Variants in DOCK3 observed in about 807,000 individuals in gnomAD.
DOCK3 encodes the protein dedicator of cytokinesis protein 3.
A neutral mutation model predicts 265.6 loss-of-function variants in DOCK3; 60 were observed. That is an observed-to-expected ratio of 0.23 (90% CI 0.18 to 0.28). DOCK3 has a LOEUF of 0.28. DOCK3 is among the 10% of genes least tolerant of loss of function. The pLI, the probability that DOCK3 is intolerant of heterozygous loss-of-function variation, is 1.00. For missense variants in DOCK3, 1,981 were observed against 2,594.3 expected (o/e 0.76, Z 5.14); for synonymous variants, 881 against 938.0 (o/e 0.94, Z 1.11).
chr3:50,687,400 T>G (rs886384538), intron 1 of DOCK3, among the ~76,000 whole-genome samples: 3 of 152,196 alleles, frequency 2.0e-5, no homozygotes, highest in Non-Finnish European at 4.4e-5. Context: ...TGTGACCCAT[T>G]CTGCGTCACT....
chr3:50,753,818 C>T (rs2039987439), intron 1 of DOCK3, among the ~76,000 whole-genome samples: 1 of 152,052 alleles, frequency 6.6e-6, no homozygotes, highest in Admixed American at 6.5e-5. Context: ...ATCAGTTGTA[C>T]TGTTAAATGG....
At chr3:50,800,218 G>T (rs2043001367) in intron 2 of DOCK3, among the ~76,000 whole-genome samples, 1 of 152,168 alleles carries the variant, frequency 6.6e-6, no homozygotes, top group African/African-American at 2.4e-5. Flanking sequence ...GAATGAATTA[G>T]TGAGAATTCC....
chr3:51,061,678 G>A (rs1406460081), intron 5 of DOCK3, among the ~76,000 whole-genome samples: 2 of 151,526 alleles, frequency 1.3e-5, no homozygotes, highest in African/African-American at 4.9e-5. Flanking sequence ...TAACCTGCAC[G>A]TTGTGAACAT....
At chr3:51,004,722 T>G (rs1342017832) in intron 5 of DOCK3, among the ~76,000 whole-genome samples, 13 of 150,822 alleles carry the variant, frequency 8.6e-5, no homozygotes, top group African/African-American at 2.0e-4. Flanking sequence ...AAGTTTTTTT[T>G]TTTTTTTTTT....
At chr3:50,681,185 T>G (rs1432392857) in intron 1 of DOCK3, among the ~76,000 whole-genome samples, 1 of 152,206 alleles carries the variant, frequency 6.6e-6, no homozygotes, top group Non-Finnish European at 1.5e-5. Context: ...AGAATATGAT[T>G]TAGAAACATT....
intron 5 of DOCK3, among the ~76,000 whole-genome samples, chr3:50,966,218 A>G (rs150732691): frequency 2.0e-5 from 3 of 152,228 alleles, no homozygotes; most frequent in African/African-American, 7.2e-5. Flanking sequence ...TTACCCATGC[A>G]TCTACTGACA....
chr3:51,294,949 C>T (rs933291879), intron 27 of DOCK3, among the ~76,000 whole-genome samples: 5 of 151,904 alleles, frequency 3.3e-5, no homozygotes, highest in Non-Finnish European at 7.4e-5. Context: ...CTAATTAGCC[C>T]AATTTGTTCA....
At chr3:51,030,409 A>G (rs566085159) in intron 5 of DOCK3, among the ~76,000 whole-genome samples, 2 of 152,220 alleles carry the variant, frequency 1.3e-5, no homozygotes, top group Admixed American at 1.3e-4. Context: ...TGCTCACCTT[A>G]TCCCCTGGCT....
intron 2 of DOCK3, among the ~76,000 whole-genome samples, chr3:50,780,567 A>G (rs1440531352): frequency 4.6e-5 from 7 of 152,156 alleles, no homozygotes; most frequent in Admixed American, 4.6e-4. Context: ...TTTATTTTTT[A>G]ATTGACAAAT....
At chr3:50,782,387 T>C (rs1436733561) in intron 2 of DOCK3, among the ~76,000 whole-genome samples, 1 of 142,268 alleles carries the variant, frequency 7.0e-6, no homozygotes, top group African/African-American at 2.6e-5. Flanking sequence ...GCCTCCCGGG[T>C]TCACGCCATT....
intron 3 of DOCK3, among the ~76,000 whole-genome samples, chr3:50,889,066 GGTGTGTGTGTGTGTGTGTGTGT>G (rs36180907): frequency 1.5e-5 from 2 of 134,190 alleles, no homozygotes; most frequent in African/African-American, 5.5e-5. Flanking sequence ...TTAAGCCATG[GGTGTGTGTGTGTGTGTGTGTGT>G]GTGTGTGTGT....
At chr3:51,354,574 C>T (rs534431580) in intron 40 of DOCK3, among the ~76,000 whole-genome samples, 5 of 152,328 alleles carry the variant, frequency 3.3e-5, no homozygotes, top group East Asian at 1.9e-4. Flanking sequence ...CCTTTCAGGA[C>T]GTTTTTTTAA....
chr3:51,146,425 T>C, intron 9 of DOCK3, 124 bp from the exon 10 acceptor site: 1 of 932,294 alleles, frequency 1.1e-6, no homozygotes, highest in Non-Finnish European at 1.6e-6. Flanking sequence ...CGTGTGTTTT[T>C]GGCCTTGCTT....
At chr3:51,375,472 G>A (rs1411531941) in intron 50 of DOCK3, among the ~76,000 whole-genome samples, 1 of 152,182 alleles carries the variant, frequency 6.6e-6, no homozygotes, top group African/African-American at 2.4e-5. Flanking sequence ...GCTATGTTCT[G>A]TTTCTTGGGC....
At chr3:51,009,839 A>G (rs2078869166) in intron 5 of DOCK3, among the ~76,000 whole-genome samples, 1 of 152,180 alleles carries the variant, frequency 6.6e-6, no homozygotes, top group Non-Finnish European at 1.5e-5. Context: ...TCTGGTTTCA[A>G]AGAACATCTT....
chr3:50,681,902 T>C (rs148595150), intron 1 of DOCK3, among the ~76,000 whole-genome samples: 185 of 152,358 alleles, frequency 1.2e-3, no homozygotes, highest in African/African-American at 3.5e-3. Context: ...TCAACAGATA[T>C]GTATTTGGCC....
At chr3:51,104,691 C>G (rs1228521736) in intron 9 of DOCK3, among the ~76,000 whole-genome samples, 1 of 152,162 alleles carries the variant, frequency 6.6e-6, no homozygotes, top group Non-Finnish European at 1.5e-5. Context: ...TTAGTAAACA[C>G]TTATAATCTG....
intron 4 of DOCK3, among the ~76,000 whole-genome samples, chr3:50,924,582 T>A (rs2050666159): frequency 6.6e-6 from 1 of 152,214 alleles, no homozygotes. Context: ...GGAAAGTAAG[T>A]CCAAATCTCA....
At chr3:50,960,479 G>C (rs1197903455) in intron 5 of DOCK3, among the ~76,000 whole-genome samples, 1 of 151,542 alleles carries the variant, frequency 6.6e-6, no homozygotes, top group Non-Finnish European at 1.5e-5. Flanking sequence ...GTAGTTTATT[G>C]GCCATTTATG....
Sources: allele counts gnomAD v4.1 joint callset (sites outside exome capture counted in the v4.1 genomes callset), GRCh38; gene constraint gnomAD v4.1.1; transcripts MANE v1.5; gene names NCBI Gene and HGNC (gene_info 2026-07-23, HGNC 2026-07-21).